Variants in IQCJ observed in about 807,000 individuals in gnomAD.
IQCJ encodes the protein IQ motif containing J, also known as IQ domain-containing protein J.
In IQCJ, 9 loss-of-function variants were observed where a neutral mutation model predicts 11.0. That is an observed-to-expected ratio of 0.82 (90% CI 0.49 to 1.43). The LOEUF (loss-of-function observed/expected upper bound fraction) is 1.43, where lower values mean the gene tolerates loss of function less well. Ranked by LOEUF, IQCJ falls within the 40% of genes most tolerant of loss-of-function variation. The pLI is 0.00. For missense variants in IQCJ, 146 were observed against 133.2 expected, an observed-to-expected ratio of 1.10 and a Z score of -0.47; for synonymous variants, 55 against 51.3, an observed-to-expected ratio of 1.07 and a Z score of -0.31.
chr3:159,248,291 C>T (rs561911007), intron 2 of IQCJ, among the ~76,000 whole-genome samples: 3 of 152,260 alleles, frequency 2.0e-5, no homozygotes, highest in South Asian at 2.1e-4. Context: ...TCCATCTGCA[C>T]GATCCTAAGA....
intron 1 of IQCJ, among the ~76,000 whole-genome samples, chr3:159,189,472 T>C (rs1191447606): frequency 6.6e-6 from 1 of 152,194 alleles, no homozygotes; most frequent in African/African-American, 2.4e-5. Flanking sequence ...AAATTTTGGC[T>C]CTTTCATCAT....
intron 1 of IQCJ, among the ~76,000 whole-genome samples, chr3:159,208,045 C>T (rs4680498): frequency 5.3e-5 from 8 of 151,878 alleles, no homozygotes; most frequent in Admixed American, 5.2e-4. Context: ...TGTGCATTTG[C>T]CGGTATGGGA....
intron 1 of IQCJ, among the ~76,000 whole-genome samples, chr3:159,217,462 G>C (rs1266333600): frequency 6.6e-6 from 1 of 152,048 alleles, no homozygotes; most frequent in African/African-American, 2.4e-5. Context: ...CATAATTTCT[G>C]CCATATAAGA....
At chr3:159,225,610 A>G (rs1312295586) in intron 1 of IQCJ, among the ~76,000 whole-genome samples, 3 of 152,182 alleles carry the variant, frequency 2.0e-5, no homozygotes, top group South Asian at 2.1e-4. Flanking sequence ...ATACTATTAA[A>G]GAATAAAACT....
chr3:159,219,901 G>A (rs780387204), intron 1 of IQCJ, among the ~76,000 whole-genome samples: 3 of 152,144 alleles, frequency 2.0e-5, no homozygotes, highest in Non-Finnish European at 2.9e-5. Context: ...GAAGGAGAAA[G>A]CCGACTTAAG....
At chr3:159,163,624 C>G (rs1722003389) in intron 1 of IQCJ, among the ~76,000 whole-genome samples, 1 of 152,138 alleles carries the variant, frequency 6.6e-6, no homozygotes, top group South Asian at 2.1e-4. Context: ...CTAGGCCTCC[C>G]AAAGTGCTGG....
rs544691171 is a variant in IQCJ at position 159,146,488 on chromosome 3, G to T, written c.9+77047G>T. ...GGGGTATTCCATTCCTTCACTTCAC[G>T]ATGCAAGCTTCTTTTAACCCTGTCT... On this transcript the variant is annotated intron_variant, in intron 1 of 3. Transcript: ENST00000397832. Among the ~76,000 whole-genome samples the T allele has an allele frequency of 2.0e-5, 3 of 152,188 alleles. No homozygotes were observed. In the South Asian group the frequency reaches 6.2e-4, roughly 32 times the overall value.
intron 1 of IQCJ, among the ~76,000 whole-genome samples, chr3:159,109,445 C>T (rs181066831): frequency 3.5e-5 from 5 of 142,412 alleles, no homozygotes; most frequent in Admixed American, 1.5e-4. Flanking sequence ...CACAAATAGC[C>T]ACATTTAAAA....
At chr3:159,200,838 G>A (rs1724286842) in intron 1 of IQCJ, among the ~76,000 whole-genome samples, 2 of 152,158 alleles carry the variant, frequency 1.3e-5, no homozygotes. Flanking sequence ...GACAGATGAG[G>A]GGAGAAGGCT....
At chr3:159,074,731 A>T (rs1715802450) in intron 1 of IQCJ, among the ~76,000 whole-genome samples, 1 of 152,086 alleles carries the variant, frequency 6.6e-6, no homozygotes, top group East Asian at 1.9e-4. Context: ...CTTTTTTCTA[A>T]ATTTCAACTG....
At chr3:159,175,375 G>A (rs943673475) in intron 1 of IQCJ, among the ~76,000 whole-genome samples, 1 of 152,192 alleles carries the variant, frequency 6.6e-6, no homozygotes, top group East Asian at 1.9e-4. Context: ...GGAAGCTGAA[G>A]TGGGAGGATC....
chr3:159,154,393 G>T (rs977065303), intron 1 of IQCJ, among the ~76,000 whole-genome samples: 7 of 152,082 alleles, frequency 4.6e-5, no homozygotes, highest in Non-Finnish European at 8.8e-5. Context: ...ACATTGATAA[G>T]TTTTTATTTA....
chr3:159,173,845 C>A (rs1312800686), intron 1 of IQCJ, among the ~76,000 whole-genome samples: 1 of 152,028 alleles, frequency 6.6e-6, no homozygotes, highest in Non-Finnish European at 1.5e-5. Flanking sequence ...TGTTGCATGT[C>A]TTTTTCCATC....
chr3:159,251,519 G>C (rs753361317), intron 2 of IQCJ, among the ~76,000 whole-genome samples: 18 of 151,724 alleles, frequency 1.2e-4, no homozygotes, highest in Non-Finnish European at 1.3e-4. Flanking sequence ...AATAAATTTG[G>C]TGGGTCACCA....
chr3:159,144,661 G>GACACACACACACACAC (rs10561081), intron 1 of IQCJ, among the ~76,000 whole-genome samples: 2 of 150,220 alleles, frequency 1.3e-5, no homozygotes, highest in African/African-American at 4.9e-5. Flanking sequence ...TACACACACA[G>GACACACACACACACAC]ACACACACAC....
intron 1 of IQCJ, among the ~76,000 whole-genome samples, chr3:159,146,277 G>A (rs1333065976): frequency 6.6e-6 from 1 of 152,116 alleles, no homozygotes; most frequent in African/African-American, 2.4e-5. Context: ...GTGAGGGTAA[G>A]AAGGCTTTGG....
Position 159,181,215 on chromosome 3 carries a change from C to CCTT in IQCJ, c.10-64624_10-64622dup, listed in dbSNP as rs1159477586. 1.1e-4 allele frequency among the ~76,000 whole-genome samples: 16 copies of CCTT among 151,702 alleles called. No individual in the cohort carries two copies. In the South Asian group the frequency reaches 2.7e-3, roughly 26 times the overall value. On this transcript the variant is annotated intron_variant, in intron 1 of 3. Coordinates refer to ENST00000397832, the MANE Select transcript of IQCJ (RefSeq NM_001042706.3). The stretch of plus-strand genomic sequence containing the variant: ...TTGATTTCCTTCTTGAGATTTCCTG[C>CCTT]CTTCTTGGCACCACTCTCTCCTGCT...
At chr3:159,161,579 G>T (rs1226310280) in intron 1 of IQCJ, among the ~76,000 whole-genome samples, 1 of 152,086 alleles carries the variant, frequency 6.6e-6, no homozygotes, top group African/African-American at 2.4e-5. Context: ...CATTGCTTTT[G>T]GTGTTTTAGA....
intron 1 of IQCJ, among the ~76,000 whole-genome samples, chr3:159,220,075 A>G (rs1241121794): frequency 2.0e-5 from 3 of 152,144 alleles, no homozygotes; most frequent in African/African-American, 7.2e-5. Context: ...TATATCTCAG[A>G]TTTCTATGAC....
Sources: gnomAD v4.1 joint callset for allele counts (sites outside exome capture counted in the v4.1 genomes callset) on GRCh38, gnomAD v4.1.1 for gene constraint, MANE v1.5 for transcripts, NCBI Gene and HGNC (gene_info 2026-07-23, HGNC 2026-07-21) for gene names.